The following STAG1 variants were observed in gnomAD, a reference collection of about 807,000 sequenced individuals.
STAG1 encodes cohesin subunit SA-1.
Under a neutral mutation model 170.9 loss-of-function variants are expected in STAG1, and 26 were observed. The ratio of observed to expected loss-of-function variants is 0.15; its 90% CI spans 0.11 to 0.21. The LOEUF is 0.21. Ranked by LOEUF, STAG1 falls within the 10% of genes least tolerant of loss-of-function variation. The probability of loss-of-function intolerance (pLI) is 1.00; values close to 1 mark genes in which losing one functional copy is unlikely to be tolerated. For synonymous variants in STAG1, 514 were observed against 497.7 expected, an observed-to-expected ratio of 1.03 and a Z score of -0.44; for missense variants, 964 against 1,509.5, an observed-to-expected ratio of 0.64 and a Z score of 5.99.
intron 1 of STAG1, among the ~76,000 whole-genome samples, chr3:136,661,430 G>A (rs539857553): frequency 1.1e-3 from 173 of 152,246 alleles, no homozygotes; most frequent in Middle Eastern, 3.4e-3. Context: ...ACCTTAGGTC[G>A]TGGGTTGCAG....
At chr3:136,559,350 A>C (rs1936748715) in intron 5 of STAG1, among the ~76,000 whole-genome samples, 1 of 152,198 alleles carries the variant, frequency 6.6e-6, no homozygotes, top group Non-Finnish European at 1.5e-5. Context: ...AAATACCAGT[A>C]ATGCAGTAGA....
At chr3:136,647,341 C>T (rs920088402) in intron 1 of STAG1, among the ~76,000 whole-genome samples, 2 of 152,120 alleles carry the variant, frequency 1.3e-5, no homozygotes, top group African/African-American at 2.4e-5. Flanking sequence ...GAGGCCCAGG[C>T]GGGCGATCAC....
At position 136,591,494 on chromosome 3, in the gene STAG1, C is replaced by A. The variant is rs575302601; in HGVS notation, c.297+12815G>T. On this transcript the variant is annotated intron_variant, in intron 4 of 33. Coordinates refer to ENST00000383202, the MANE Select transcript of STAG1 (RefSeq NM_005862.3). ...CTCAGGCCGGGGAGGATCACTTGGG[C>A]CCAGAAGTTCGAGGTCAGCCTGGAC... 5.8e-4 allele frequency: 235 copies of A among 402,588 alleles called. 4 individuals are homozygous for A. Among genetic ancestry groups the A allele is most frequent in the South Asian group, 4.3e-3 (234 of 54,442 alleles). The allele number at this position is 402,588 out of a possible 1,614,324, so 24.9% of individuals were successfully genotyped here. A position where few individuals can be genotyped will look rare whatever the true frequency, so the allele number is the denominator to read the frequency against.
In STAG1 at chr3:136,372,689, G is replaced by GA. The variant is rs1373598829; in HGVS notation, c.2371-3408dup. 2.9e-4 allele frequency among the ~76,000 whole-genome samples: 44 copies of GA among 152,334 alleles called. 1 individual carries two copies. Among genetic ancestry groups the GA allele is most frequent in the African/African-American group, 1.0e-3 (43 of 41,570 alleles). On this transcript the variant is annotated intron_variant, in intron 23 of 33. Coordinates refer to ENST00000383202, the MANE Select transcript of STAG1 (RefSeq NM_005862.3). ...ATGTTGAACCAGCCTTGCATCCCAGGAATGAAGCCCACTTGATCATGGTGG... is the reference window on the plus strand; with the variant it reads ...ATGTTGAACCAGCCTTGCATCCCAGGAAATGAAGCCCACTTGATCATGGTGG...
intron 13 of STAG1, among the ~76,000 whole-genome samples, chr3:136,461,604 AAG>A (rs932204620): frequency 2.6e-5 from 4 of 151,618 alleles, no homozygotes; most frequent in Non-Finnish European, 5.9e-5. Context: ...AAAAAAAAAA[AAG>A]AGAAAGAAAA....
intron 1 of STAG1, among the ~76,000 whole-genome samples, chr3:136,702,156 A>T (rs1320080108): frequency 4.9e-5 from 4 of 80,866 alleles, no homozygotes; most frequent in South Asian, 3.1e-4. Flanking sequence ...ACAGAGAGAC[A>T]GAGAGAATGA....
intron 16 of STAG1, among the ~76,000 whole-genome samples, chr3:136,425,972 T>C (rs1246289490): frequency 2.6e-5 from 4 of 151,592 alleles, no homozygotes; most frequent in Non-Finnish European, 2.9e-5. Context: ...TCTCAGTTTT[T>C]TTTTTCTATG....
chr3:136,745,339 GGAA>G (rs1216522740), intron 1 of STAG1, among the ~76,000 whole-genome samples: 1 of 152,084 alleles, frequency 6.6e-6, no homozygotes, highest in Admixed American at 6.6e-5. Flanking sequence ...CGGGGGGCAG[GGAA>G]GAAGGCAAGA....
chr3:136,432,281 T>C (rs1191577252), intron 16 of STAG1, among the ~76,000 whole-genome samples: 6 of 152,184 alleles, frequency 3.9e-5, no homozygotes, highest in African/African-American at 1.4e-4. Flanking sequence ...TCTCTACTTC[T>C]TGTTTTCATA....
At chr3:136,476,611 C>A (rs1195204535) in intron 10 of STAG1, among the ~76,000 whole-genome samples, 1 of 152,122 alleles carries the variant, frequency 6.6e-6, no homozygotes, top group Non-Finnish European at 1.5e-5. Flanking sequence ...AGGTAGTATT[C>A]ATGAAAAATA....
intron 5 of STAG1, among the ~76,000 whole-genome samples, chr3:136,555,378 A>G (rs777200217): frequency 6.6e-6 from 1 of 151,798 alleles, no homozygotes; most frequent in African/African-American, 2.4e-5. Flanking sequence ...ATAGTGCTAA[A>G]TGAGTTTTTA....
intron 1 of STAG1, among the ~76,000 whole-genome samples, chr3:136,681,223 T>C (rs1462186699): frequency 6.6e-6 from 1 of 152,144 alleles, no homozygotes; most frequent in East Asian, 1.9e-4. Context: ...ACTGTACACA[T>C]AAAGTATCAA....
intron 6 of STAG1, among the ~76,000 whole-genome samples, chr3:136,533,003 T>C (rs1935453074): frequency 2.0e-5 from 3 of 152,204 alleles, no homozygotes; most frequent in Admixed American, 2.0e-4. Context: ...GACATGATCT[T>C]TTATTTAGAA....
chr3:136,499,404 C>T (rs992586345), intron 9 of STAG1, among the ~76,000 whole-genome samples: 1 of 152,114 alleles, frequency 6.6e-6, no homozygotes, highest in Non-Finnish European at 1.5e-5. Context: ...TCAAGTGATC[C>T]TCCCACCTTA....
intron 9 of STAG1, among the ~76,000 whole-genome samples, chr3:136,495,463 T>A (rs1337940937): frequency 6.6e-6 from 1 of 152,100 alleles, no homozygotes; most frequent in Non-Finnish European, 1.5e-5. Context: ...AAACATTTGC[T>A]CTGTAAAGGT....
At chr3:136,732,386 G>A (rs887094971) in intron 1 of STAG1, among the ~76,000 whole-genome samples, 1 of 151,940 alleles carries the variant, frequency 6.6e-6, no homozygotes, top group South Asian at 2.1e-4. Context: ...TCTGTGTGCA[G>A]AATAATAAAG....
At chr3:136,674,137 A>AGGAAGGAGGGAG (rs1559943380) in intron 1 of STAG1, among the ~76,000 whole-genome samples, 1 of 45,748 alleles carries the variant, frequency 2.2e-5, no homozygotes, top group African/African-American at 9.2e-5. Context: ...GAGGGAGGGA[A>AGGAAGGAGGGAG]GGAAGGAGGG....
At chr3:136,376,442 G>C (rs1474277703) in intron 23 of STAG1, among the ~76,000 whole-genome samples, 12 of 151,672 alleles carry the variant, frequency 7.9e-5, no homozygotes, top group Non-Finnish European at 2.9e-5. Flanking sequence ...GAATCTATCA[G>C]ACCAATGGGA....
intron 5 of STAG1, among the ~76,000 whole-genome samples, chr3:136,543,950 G>T (rs986363760): frequency 1.3e-5 from 2 of 152,068 alleles, no homozygotes; most frequent in Non-Finnish European, 2.9e-5. Flanking sequence ...AAAAGCTCCA[G>T]TTCCTAAGTT....
Sources: gnomAD v4.1 joint callset for allele counts (sites outside exome capture counted in the v4.1 genomes callset) on GRCh38, gnomAD v4.1.1 for gene constraint, MANE v1.5 for transcripts, NCBI Gene and HGNC (gene_info 2026-07-23, HGNC 2026-07-21) for gene names.